Variants in SKAP1 observed in about 807,000 individuals in gnomAD.
The protein encoded by SKAP1 is src kinase-associated phosphoprotein 1.
Under a neutral mutation model 58.5 loss-of-function variants are expected in SKAP1, and 44 were observed. The ratio of observed to expected loss-of-function variants is 0.75; its 90% CI spans 0.59 to 0.97. The LOEUF (loss-of-function observed/expected upper bound fraction) is 0.97, where lower values mean the gene tolerates loss of function less well. Ranked by LOEUF, SKAP1 falls within the 50% of genes least tolerant of loss-of-function variation. SKAP1 has a pLI of 0.00. For missense variants in SKAP1, 390 were observed against 435.2 expected, an observed-to-expected ratio of 0.90 and a Z score of 0.92; for synonymous variants, 127 against 149.7, an observed-to-expected ratio of 0.85 and a Z score of 1.11.
intron 4 of SKAP1, among the ~76,000 whole-genome samples, chr17:48,327,000 C>G (rs1321865648): frequency 2.0e-5 from 3 of 150,700 alleles, no homozygotes; most frequent in Non-Finnish European, 2.9e-5. Context: ...AAGTGATTCT[C>G]ATGCCTCAGC....
upstream of SKAP1, among the ~76,000 whole-genome samples, chr17:48,432,408 G>T (rs2067924959): frequency 6.6e-6 from 1 of 151,366 alleles, no homozygotes; most frequent in South Asian, 2.1e-4. Flanking sequence ...TAGCCTGGGT[G>T]ACAGGGCAAG....
chr17:48,338,422 G>C (rs1015884035), intron 4 of SKAP1, among the ~76,000 whole-genome samples: 6 of 152,126 alleles, frequency 3.9e-5, no homozygotes, highest in African/African-American at 1.4e-4. Flanking sequence ...AAAGTTCTGG[G>C]ATTACAGGCA....
rs922322510 is a variant in SKAP1, at chr17:48,233,547, T to C, written c.281-44047A>G. On this transcript the variant is annotated intron_variant, in intron 4 of 12. Transcript: ENST00000336915. ...ATAAAATTTTACTGTACTAATTGTA[T>C]AAAATATGGGTAAAATAAGATTACT... Among the ~76,000 whole-genome samples the C allele has an allele frequency of 7.2e-5, 11 of 152,176 alleles. No individual in the cohort carries two copies. In the South Asian group the frequency reaches 1.5e-3, roughly 20 times the overall value.
Position 48,302,243 on chromosome 17 carries a change from A to C in SKAP1, c.280+43662T>G, listed in dbSNP as rs2066068127. Among the ~76,000 whole-genome samples the C allele has an allele frequency of 2.0e-5, 3 of 152,208 alleles. No individual in the cohort carries two copies. In the South Asian group the frequency reaches 6.2e-4, roughly 31 times the overall value. The stretch of plus-strand genomic sequence containing the variant: ...CAGGTGGCTGATATGATATATACTA[A>C]ACTATATCCAGGAATTGAGCCAATC... On this transcript the variant is annotated intron_variant, in intron 4 of 12. Coordinates refer to ENST00000336915, the MANE Select transcript of SKAP1 (RefSeq NM_003726.4).
chr17:48,218,662 A>G (rs1255871230), intron 4 of SKAP1, among the ~76,000 whole-genome samples: 1 of 152,220 alleles, frequency 6.6e-6, no homozygotes, highest in African/African-American at 2.4e-5. Context: ...TGACATTTAC[A>G]GAGATCTCAT....
At chr17:48,179,186 A>T (rs1405589355) in intron 9 of SKAP1, among the ~76,000 whole-genome samples, 1 of 152,136 alleles carries the variant, frequency 6.6e-6, no homozygotes, top group Non-Finnish European at 1.5e-5. Context: ...AATTGTTATA[A>T]ATTTAGGCTT....
intron 1 of SKAP1, among the ~76,000 whole-genome samples, chr17:48,405,392 C>CCTTCCTTT (rs1555623932): frequency 9.3e-6 from 1 of 107,310 alleles, no homozygotes; most frequent in Admixed American, 1.0e-4. Flanking sequence ...TTTTCTCTTT[C>CCTTCCTTT]CTTTCTTTCT....
intron 1 of SKAP1, among the ~76,000 whole-genome samples, chr17:48,418,523 T>C (rs2067758135): frequency 6.6e-6 from 1 of 152,118 alleles, no homozygotes; most frequent in Non-Finnish European, 1.5e-5. Context: ...GGAAAATGGG[T>C]ATAATCACTT....
chr17:48,345,743 G>A (rs1338962264), intron 4 of SKAP1, among the ~76,000 whole-genome samples, 162 bp downstream of exon 4: 1 of 152,150 alleles, frequency 6.6e-6, no homozygotes, highest in Admixed American at 6.5e-5. Flanking sequence ...AGGAGGATCA[G>A]CACCACAATG....
chr17:48,329,226 C>T (rs111554400), intron 4 of SKAP1, among the ~76,000 whole-genome samples: 2,228 of 151,146 alleles, frequency 0.015, 40 homozygotes, highest in African/African-American at 0.047. Flanking sequence ...AAATTAGATG[C>T]CCTTTGTCTT....
At chr17:48,256,987 T>A (rs1267704897) in intron 4 of SKAP1, among the ~76,000 whole-genome samples, 2 of 152,092 alleles carry the variant, frequency 1.3e-5, no homozygotes, top group Non-Finnish European at 2.9e-5. Flanking sequence ...AGTGTTCACA[T>A]GTCTACTTGA....
At position 48,334,690 on chromosome 17, in the gene SKAP1, A is replaced by C. The variant is rs562196113; in HGVS notation, c.280+11215T>G. ...ATTATAGTTAAATCTCAAAAATGTTATATCAAATTATTATTTTTTAAAAAT... is the reference window on the plus strand; with the variant it reads ...ATTATAGTTAAATCTCAAAAATGTTCTATCAAATTATTATTTTTTAAAAAT... On this transcript the variant is annotated intron_variant, in intron 4 of 12. Transcript: ENST00000336915. 1.0e-3 allele frequency among the ~76,000 whole-genome samples: 156 copies of C among 152,058 alleles called. 6 individuals are homozygous for C. In the South Asian group the frequency reaches 0.031, roughly 30 times the overall value.
At chr17:48,282,265 T>C (rs2065776635) in intron 4 of SKAP1, among the ~76,000 whole-genome samples, 1 of 152,214 alleles carries the variant, frequency 6.6e-6, no homozygotes, top group African/African-American at 2.4e-5. Context: ...GCTTCAACAA[T>C]TATCAACTCA....
At chr17:48,425,547 G>A (rs2067846580) in intron 1 of SKAP1, among the ~76,000 whole-genome samples, 2 of 152,174 alleles carry the variant, frequency 1.3e-5, no homozygotes, top group African/African-American at 4.8e-5. Flanking sequence ...ATTCAACTGA[G>A]CAGTAGCCTC....
chr17:48,265,925 AC>A (rs1195204856), intron 4 of SKAP1, among the ~76,000 whole-genome samples: 1 of 151,434 alleles, frequency 6.6e-6, no homozygotes, highest in African/African-American at 2.4e-5. Context: ...TATTTTTAAA[AC>A]CTCTTTTCTT....
intron 1 of SKAP1, among the ~76,000 whole-genome samples, chr17:48,406,776 G>A (rs192317038): frequency 1.3e-5 from 2 of 152,186 alleles, no homozygotes; most frequent in Admixed American, 6.5e-5. Context: ...ATGTTAGTCA[G>A]GCTGGTCTCA....
At chr17:48,140,460 G>C (rs962848383) in intron 11 of SKAP1, among the ~76,000 whole-genome samples, 1 of 151,970 alleles carries the variant, frequency 6.6e-6, no homozygotes, top group African/African-American at 2.4e-5. Flanking sequence ...GTCTTGATGC[G>C]CTTTACTAGA....
At chr17:48,324,036 C>G (rs2066400812) in intron 4 of SKAP1, among the ~76,000 whole-genome samples, 1 of 151,978 alleles carries the variant, frequency 6.6e-6, no homozygotes. Context: ...TTCTAGCATG[C>G]TTATTTGAAA....
intron 4 of SKAP1, among the ~76,000 whole-genome samples, chr17:48,236,915 G>T (rs752778256): frequency 6.6e-6 from 1 of 152,114 alleles, no homozygotes; most frequent in Non-Finnish European, 1.5e-5. Context: ...CCAGGCACTG[G>T]GCCAAGCAAT....
Sources: allele counts gnomAD v4.1 joint callset (sites outside exome capture counted in the v4.1 genomes callset), GRCh38; gene constraint gnomAD v4.1.1; transcripts MANE v1.5; gene names NCBI Gene and HGNC (gene_info 2026-07-23, HGNC 2026-07-21).